Variants in RBFOX1 observed in about 807,000 individuals in gnomAD.
The protein encoded by RBFOX1 is RNA binding fox-1 homolog 1, also known as RNA binding protein fox-1 homolog 1.
A neutral mutation model predicts 57.7 loss-of-function variants in RBFOX1; 8 were observed. That is an observed-to-expected ratio of 0.14 (90% CI 0.08 to 0.25). RBFOX1 has a LOEUF of 0.25. Among genes scored for constraint, RBFOX1 ranks in the 10% least tolerant of loss-of-function variants. The pLI is 1.00. For synonymous variants in RBFOX1, 326 were observed against 222.4 expected (o/e 1.47, Z -4.15); for missense variants, 611 against 548.5 (o/e 1.11, Z -1.14).
chr16:6,312,253 C>T (rs566964046), intron 1 of RBFOX1, among the ~76,000 whole-genome samples: 1 of 152,130 alleles, frequency 6.6e-6, no homozygotes, highest in Non-Finnish European at 1.5e-5. Context: ...TGTTCTAGGT[C>T]CCAGGAAGAA....
At chr16:6,584,991 A>C (rs1293991144) in intron 2 of RBFOX1, among the ~76,000 whole-genome samples, 1 of 152,182 alleles carries the variant, frequency 6.6e-6, no homozygotes, top group Admixed American at 6.5e-5. Context: ...AAGGATGCTC[A>C]ACCAAAGCTG....
chr16:5,736,704 C>T (rs533372844), intron 3 of RBFOX1, among the ~76,000 whole-genome samples: 1 of 152,170 alleles, frequency 6.6e-6, no homozygotes, highest in Non-Finnish European at 1.5e-5. Flanking sequence ...CTGTCTCTAT[C>T]TGTGCCTCTC....
At chr16:6,590,849 G>GT (rs1555585068) in intron 2 of RBFOX1, among the ~76,000 whole-genome samples, 2 of 152,096 alleles carry the variant, frequency 1.3e-5, no homozygotes, top group African/African-American at 4.8e-5. Context: ...CGTTTGACAT[G>GT]CAAGAATTGT....
chr16:5,692,523 G>C (rs1356970059), intron 3 of RBFOX1, among the ~76,000 whole-genome samples: 1 of 152,154 alleles, frequency 6.6e-6, no homozygotes, highest in African/African-American at 2.4e-5. Context: ...CCTGAGTAGA[G>C]AAAGTCCATT....
In RBFOX1 at chr16:5,809,876, G is replaced by A. The variant is rs540018415; in HGVS notation, c.319-57427G>A. ...CGCTGCTATAAAGACACATGCACAC[G>A]TATGTTTTTTGCGGCACTATCCACA... is the stretch of plus-strand genomic sequence containing the variant. On this transcript the variant is annotated intron_variant, in intron 3 of 19. Coordinates refer to the RBFOX1 transcript ENST00000641259. Among the ~76,000 whole-genome samples, 682 of 152,100 alleles carry A rather than the reference G, an allele frequency of 4.5e-3. 1 individual carries two copies. Among genetic ancestry groups the A allele is most frequent in the Non-Finnish European group, 6.9e-3 (466 of 68,010 alleles).
At chr16:7,227,927 C>G (rs981097798) in intron 4 of RBFOX1, among the ~76,000 whole-genome samples, 16 of 152,198 alleles carry the variant, frequency 1.1e-4, no homozygotes, top group African/African-American at 2.9e-4. Flanking sequence ...GATTTTTCCA[C>G]AGCCAGACAA....
At chr16:5,412,251 C>A (rs72777543) in intron 1 of RBFOX1, among the ~76,000 whole-genome samples, 6,687 of 111,128 alleles carry the variant, frequency 0.06, 216 homozygotes, top group Middle Eastern at 0.13. Context: ...TCTTTAGAAT[C>A]CTCATCTCTG....
intron 1 of RBFOX1, among the ~76,000 whole-genome samples, chr16:6,171,776 G>C (rs1263284746): frequency 6.6e-6 from 1 of 151,108 alleles, no homozygotes; most frequent in East Asian, 1.9e-4. Context: ...TGAACCAAAG[G>C]GTCTGGGTGA....
At chr16:5,662,018 C>T (rs571375806) in intron 3 of RBFOX1, among the ~76,000 whole-genome samples, 25 of 152,146 alleles carry the variant, frequency 1.6e-4, no homozygotes, top group African/African-American at 4.6e-4. Flanking sequence ...CATCTCCTGA[C>T]GTCGTAATCC....
intron 3 of RBFOX1, among the ~76,000 whole-genome samples, chr16:6,927,833 T>C (rs914444844): frequency 1.3e-5 from 2 of 152,132 alleles, no homozygotes; most frequent in Admixed American, 6.5e-5. Context: ...CTGAAGGAAA[T>C]AGAAAATGTG....
intron 3 of RBFOX1, among the ~76,000 whole-genome samples, chr16:6,920,785 C>T (rs192071977): frequency 1.4e-4 from 22 of 152,268 alleles, no homozygotes; most frequent in African/African-American, 3.4e-4. Context: ...TCTTCTCCTC[C>T]TCTTAGGAGA....
intron 4 of RBFOX1, among the ~76,000 whole-genome samples, chr16:7,128,772 A>G (rs1394869992): frequency 1.4e-5 from 2 of 146,296 alleles, no homozygotes; most frequent in African/African-American, 5.1e-5. Context: ...ATCGGAGGCT[A>G]TTTTGGTAAT....
chr16:6,671,762 G>A (rs548762536), intron 3 of RBFOX1, among the ~76,000 whole-genome samples: 24 of 152,316 alleles, frequency 1.6e-4, no homozygotes, highest in Non-Finnish European at 3.2e-4. Context: ...ACAGTTTCCA[G>A]TCCCATCCAG....
At chr16:6,144,758 G>C (rs1175421031) in intron 1 of RBFOX1, among the ~76,000 whole-genome samples, 4 of 152,208 alleles carry the variant, frequency 2.6e-5, no homozygotes, top group Admixed American at 6.5e-5. Flanking sequence ...ACAGTCCTCT[G>C]AGCAATAGCC....
chr16:6,186,186 C>T (rs769055279), intron 1 of RBFOX1, among the ~76,000 whole-genome samples: 1 of 152,060 alleles, frequency 6.6e-6, no homozygotes, highest in African/African-American at 2.4e-5. Context: ...TGGTGAAGTG[C>T]TTTTTTTAAC....
At chr16:5,921,566 A>T (rs1359600560) in intron 4 of RBFOX1, among the ~76,000 whole-genome samples, 3 of 152,202 alleles carry the variant, frequency 2.0e-5, no homozygotes. Context: ...GATAATAGCA[A>T]CTATTTCTGG....
At chr16:7,487,610 T>G (rs531588065) in intron 4 of RBFOX1, among the ~76,000 whole-genome samples, 10 of 152,312 alleles carry the variant, frequency 6.6e-5, no homozygotes, top group Admixed American at 6.5e-4. Flanking sequence ...AGCAGTAGAC[T>G]ATCCACTCCT....
chr16:7,225,373 G>C (rs758466895), intron 4 of RBFOX1, among the ~76,000 whole-genome samples: 14 of 152,222 alleles, frequency 9.2e-5, no homozygotes, highest in Admixed American at 3.3e-4. Flanking sequence ...CATGAGATCT[G>C]ATGGTTTTGT....
intron 14 of RBFOX1, among the ~76,000 whole-genome samples, chr16:7,701,030 A>G (rs2080512191): frequency 6.6e-6 from 1 of 152,182 alleles, no homozygotes; most frequent in Non-Finnish European, 1.5e-5. Context: ...TGTAGGGTCT[A>G]AAAAGCTCAG....
Sources: gnomAD v4.1 joint callset for allele counts (sites outside exome capture counted in the v4.1 genomes callset) on GRCh38, gnomAD v4.1.1 for gene constraint, MANE v1.5 for transcripts, NCBI Gene and HGNC (gene_info 2026-07-23, HGNC 2026-07-21) for gene names.